Variants in NEGR1 observed in about 807,000 individuals in gnomAD.
NEGR1 encodes IgLON family member 4.
In NEGR1, 10 loss-of-function variants were observed where a neutral mutation model predicts 40.9. That is an observed-to-expected ratio of 0.24 (90% CI 0.15 to 0.42). The LOEUF is 0.42. NEGR1 is among the 10% of genes least tolerant of loss of function. The pLI, the probability that NEGR1 is intolerant of heterozygous loss-of-function variation, is 1.00. For synonymous variants in NEGR1, 185 were observed against 166.8 expected (o/e 1.11, Z -0.84); for missense variants, 352 against 438.9 (o/e 0.80, Z 1.77).
chr1:71,720,574 C>A (rs1446303453), intron 3 of NEGR1, among the ~76,000 whole-genome samples: 2 of 152,050 alleles, frequency 1.3e-5, no homozygotes, highest in Non-Finnish European at 2.9e-5. Context: ...CCTGTTGGTA[C>A]TTTTTTCCCT....
At chr1:71,877,925 A>G (rs1660477611) in intron 2 of NEGR1, among the ~76,000 whole-genome samples, 1 of 152,138 alleles carries the variant, frequency 6.6e-6, no homozygotes, top group African/African-American at 2.4e-5. Context: ...GATTACAGTA[A>G]AATATACCAT....
At chr1:72,217,289 C>T (rs1449163438) in intron 1 of NEGR1, among the ~76,000 whole-genome samples, 5 of 150,832 alleles carry the variant, frequency 3.3e-5, no homozygotes, top group Non-Finnish European at 7.4e-5. Context: ...ACATTTTAAA[C>T]CCAAGGCATA....
At chr1:72,272,417 CTAAATA>C (rs1348862591) in intron 1 of NEGR1, among the ~76,000 whole-genome samples, 2 of 151,588 alleles carry the variant, frequency 1.3e-5, no homozygotes, top group Non-Finnish European at 2.9e-5. Context: ...TATTATGTAT[CTAAATA>C]TATTCTACTG....
intron 4 of NEGR1, among the ~76,000 whole-genome samples, chr1:71,621,902 A>G (rs1013194827): frequency 2.6e-5 from 4 of 151,880 alleles, no homozygotes; most frequent in African/African-American, 9.7e-5. Context: ...GCCATAGATG[A>G]TGGATGAATG....
At chr1:71,851,747 C>A (rs535403327) in intron 2 of NEGR1, among the ~76,000 whole-genome samples, 202 of 152,084 alleles carry the variant, frequency 1.3e-3, no homozygotes, top group African/African-American at 4.5e-3. Context: ...ATTCTATTTA[C>A]TTCTTTGTTT....
intron 4 of NEGR1, among the ~76,000 whole-genome samples, chr1:71,688,367 G>A (rs12406393): frequency 4.6e-4 from 13 of 28,178 alleles, no homozygotes; most frequent in East Asian, 9.1e-4. Flanking sequence ...ATATATATAT[G>A]AGATATATAC....
intron 1 of NEGR1, among the ~76,000 whole-genome samples, chr1:72,149,879 C>CAAAAAAAAAAAAA (rs1180110033): frequency 2.0e-4 from 8 of 39,362 alleles, no homozygotes; most frequent in African/African-American, 5.1e-4. Context: ...AAAACTCTGT[C>CAAAAAAAAAAAAA]AAAAAAAAAA....
At chr1:72,060,961 C>T (rs1226871067) in intron 1 of NEGR1, among the ~76,000 whole-genome samples, 9 of 151,542 alleles carry the variant, frequency 5.9e-5, no homozygotes, top group Admixed American at 2.6e-4. Context: ...CTGAAATATT[C>T]GAACTACTCC....
intron 6 of NEGR1, among the ~76,000 whole-genome samples, chr1:71,554,445 G>A (rs913085417): frequency 2.0e-5 from 3 of 151,204 alleles, no homozygotes; most frequent in Admixed American, 1.3e-4. Flanking sequence ...CTACCTGTTC[G>A]GCCTGGGTGT....
chr1:71,953,975 A>T (rs1646095508), intron 1 of NEGR1, among the ~76,000 whole-genome samples: 1 of 151,958 alleles, frequency 6.6e-6, no homozygotes, highest in South Asian at 2.1e-4. Context: ...GATCCACAAT[A>T]CCTCCCAGGT....
At chr1:72,119,027 T>C (rs1219261860) in intron 1 of NEGR1, among the ~76,000 whole-genome samples, 2 of 151,918 alleles carry the variant, frequency 1.3e-5, no homozygotes, top group African/African-American at 2.4e-5. Flanking sequence ...TTATTATATA[T>C]AGTATATTTA....
chr1:71,746,424 TTAGTC>T (rs1655384191), intron 3 of NEGR1, among the ~76,000 whole-genome samples: 1 of 152,210 alleles, frequency 6.6e-6, no homozygotes, highest in Non-Finnish European at 1.5e-5. Context: ...GAAATACTCT[TTAGTC>T]TAAGATTATC....
At chr1:71,479,506 G>A (rs1030238881) in intron 6 of NEGR1, among the ~76,000 whole-genome samples, 5 of 151,796 alleles carry the variant, frequency 3.3e-5, no homozygotes, top group African/African-American at 7.3e-5. Context: ...TTTCTCTTCC[G>A]GACAGGCTAA....
At chr1:71,973,428 AAAT>A (rs758466905) in intron 1 of NEGR1, among the ~76,000 whole-genome samples, 4 of 152,144 alleles carry the variant, frequency 2.6e-5, no homozygotes, top group Non-Finnish European at 4.4e-5. Flanking sequence ...GTGAGAGATC[AAAT>A]AATAAATATC....
At chr1:72,229,930 A>T (rs1299448378) in intron 1 of NEGR1, among the ~76,000 whole-genome samples, 1 of 152,128 alleles carries the variant, frequency 6.6e-6, no homozygotes, top group Non-Finnish European at 1.5e-5. Context: ...TAGTAAAATG[A>T]ACAATCAATC....
chr1:72,218,011 G>T (rs1057186754), intron 1 of NEGR1, among the ~76,000 whole-genome samples: 7 of 151,764 alleles, frequency 4.6e-5, no homozygotes, highest in East Asian at 1.9e-4. Flanking sequence ...TTTAATTGAA[G>T]AAATTCTTTA....
intron 6 of NEGR1, among the ~76,000 whole-genome samples, chr1:71,411,955 C>T (rs1434644255): frequency 2.6e-5 from 4 of 151,926 alleles, no homozygotes; most frequent in African/African-American, 9.7e-5. Flanking sequence ...GAGCCGAGAT[C>T]GCGCCACTGC....
intron 4 of NEGR1, among the ~76,000 whole-genome samples, chr1:71,637,540 T>C (rs1264864190): frequency 2.0e-5 from 3 of 151,934 alleles, no homozygotes; most frequent in African/African-American, 7.2e-5. Context: ...CAGAATAAAG[T>C]CTAAATGTTC....
chr1:71,658,261 T>C (rs972283614), intron 4 of NEGR1, among the ~76,000 whole-genome samples: 10 of 152,152 alleles, frequency 6.6e-5, no homozygotes, highest in Non-Finnish European at 1.0e-4. Flanking sequence ...TAAGTTAAGG[T>C]TTTGTTTGTT....
Sources: gnomAD v4.1 joint callset for allele counts (sites outside exome capture counted in the v4.1 genomes callset) on GRCh38, gnomAD v4.1.1 for gene constraint, MANE v1.5 for transcripts, NCBI Gene and HGNC (gene_info 2026-07-23, HGNC 2026-07-21) for gene names.